Variants in NAV3 observed in about 807,000 individuals in gnomAD.
The protein encoded by NAV3 is neuron navigator 3.
In NAV3, 87 loss-of-function variants were observed where a neutral mutation model predicts 244.7. That is an observed-to-expected ratio of 0.36 (90% CI 0.30 to 0.42). The LOEUF (loss-of-function observed/expected upper bound fraction) is 0.42. Among genes scored for constraint, NAV3 ranks in the 20% least tolerant of loss-of-function variants. The pLI, the probability that NAV3 is intolerant of heterozygous loss-of-function variation, is 1.00. For synonymous variants in NAV3, 1,126 were observed against 1,042.2 expected (o/e 1.08, Z -1.55); for missense variants, 2,663 against 2,893.3 (o/e 0.92, Z 1.83).
intron 2 of NAV3, among the ~76,000 whole-genome samples, chr12:77,764,154 T>C (rs1349193442): frequency 7.2e-5 from 11 of 152,220 alleles, no homozygotes; most frequent in Admixed American, 7.2e-4. Context: ...ACAGCAACAT[T>C]TTTAGATGCA....
chr12:77,623,735 T>G (rs1328166200), intron 2 of NAV3, among the ~76,000 whole-genome samples: 1 of 152,186 alleles, frequency 6.6e-6, no homozygotes, highest in Non-Finnish European at 1.5e-5. Context: ...ATGAGAGAGA[T>G]AAGCCTTATC....
intron 2 of NAV3, among the ~76,000 whole-genome samples, chr12:77,791,574 CT>C (rs1871176810): frequency 6.6e-6 from 1 of 151,978 alleles, no homozygotes; most frequent in East Asian, 1.9e-4. Flanking sequence ...TAGGTGCTAT[CT>C]TTTTTCCTAT....
chr12:77,588,747 A>G (rs923765011), intron 2 of NAV3, among the ~76,000 whole-genome samples: 2 of 152,260 alleles, frequency 1.3e-5, no homozygotes, highest in African/African-American at 2.4e-5. Flanking sequence ...AGTAATTCAC[A>G]TGAAAAGTAC....
chr12:78,195,006 A>G lies in NAV3; in HGVS notation c.6292-2241A>G, dbSNP rs552487042. On this transcript the variant is annotated intron_variant, in intron 34 of 39. Coordinates refer to ENST00000397909, the MANE Select transcript of NAV3 (RefSeq NM_001024383.2). Reference sequence around the variant, plus strand: ...TATTTTGACTGTGAATTATTGTTATATATGTATATGCCTGACCTTCTATTC... The same window carrying G: ...TATTTTGACTGTGAATTATTGTTATGTATGTATATGCCTGACCTTCTATTC... Among the ~76,000 whole-genome samples the G allele has an allele frequency of 4.0e-4, 61 of 152,200 alleles. 2 individuals carry two copies. The South Asian group carries it at 0.012, about 29-fold the overall frequency.
At chr12:77,581,521 A>T (rs1869364371) in intron 2 of NAV3, among the ~76,000 whole-genome samples, 1 of 152,144 alleles carries the variant, frequency 6.6e-6, no homozygotes, top group Non-Finnish European at 1.5e-5. Context: ...GTATATTTGT[A>T]TAATGGTAAA....
intron 12 of NAV3, among the ~76,000 whole-genome samples, chr12:78,107,898 A>G (rs1444201596): frequency 1.3e-5 from 2 of 152,174 alleles, no homozygotes; most frequent in African/African-American, 2.4e-5. Flanking sequence ...AATAAGGGAA[A>G]AAGAAAGGAA....
chr12:77,724,731 A>G (rs1342983608), intron 2 of NAV3, among the ~76,000 whole-genome samples: 2 of 151,974 alleles, frequency 1.3e-5, no homozygotes, highest in African/African-American at 4.8e-5. Context: ...CATGGGCAAA[A>G]AAAGCAGGAA....
intron 2 of NAV3, among the ~76,000 whole-genome samples, chr12:77,704,885 G>A (rs369104066): frequency 1.3e-5 from 2 of 152,242 alleles, no homozygotes; most frequent in South Asian, 2.1e-4. Flanking sequence ...ACTTCACTGT[G>A]GGTTTCCCCT....
intron 12 of NAV3, among the ~76,000 whole-genome samples, chr12:78,081,289 CTT>C (rs1184096012): frequency 6.6e-6 from 1 of 152,150 alleles, no homozygotes; most frequent in African/African-American, 2.4e-5. Context: ...AACAGGCACT[CTT>C]ATGCCTTTTA....
At chr12:78,159,863 G>A (rs904269377) in intron 23 of NAV3, among the ~76,000 whole-genome samples, 10 of 152,176 alleles carry the variant, frequency 6.6e-5, no homozygotes, top group Non-Finnish European at 1.5e-4. Flanking sequence ...TTAAGAAAGA[G>A]AAACAGTCAC....
chr12:78,144,700 A>T (rs1565717291), intron 20 of NAV3, among the ~76,000 whole-genome samples: 1 of 151,868 alleles, frequency 6.6e-6, no homozygotes, highest in Non-Finnish European at 1.5e-5. Context: ...ATATTTCTTG[A>T]TTATTTTTTA....
chr12:78,137,316 A>G lies in NAV3; in HGVS notation c.4581A>G (p.Arg1527=). 6.2e-7 allele frequency: 1 copy of G among 1,613,294 alleles called. No individual in the cohort carries two copies. Among genetic ancestry groups the G allele is most frequent in the South Asian group, 1.1e-5 (1 of 91,036 alleles). Residue 1527 remains arginine (R), a synonymous_variant, in exon 19 of 40, where the codon AGA becomes AGG. Coordinates refer to ENST00000397909, the MANE Select transcript of NAV3 (RefSeq NM_001024383.2). ...LCGSATSLEE[R]PRAISHSGSF... is the part of the protein sequence containing the mutation. Reference sequence around the variant, plus strand: ...GGAGTGCCACTTCTCTGGAGGAAAGACCTCGTGCCATCAGTCATTCGGGCT... The same window carrying G: ...GGAGTGCCACTTCTCTGGAGGAAAGGCCTCGTGCCATCAGTCATTCGGGCT...
chr12:77,634,368 A>G (rs1008460361), intron 2 of NAV3, among the ~76,000 whole-genome samples: 13 of 152,212 alleles, frequency 8.5e-5, no homozygotes, highest in Admixed American at 8.5e-4. Flanking sequence ...CAATTATATT[A>G]GTTGATTTTA....
chr12:77,574,748 A>G (rs1183893849), intron 2 of NAV3, among the ~76,000 whole-genome samples: 1 of 152,062 alleles, frequency 6.6e-6, no homozygotes, highest in Admixed American at 6.6e-5. Flanking sequence ...ATAAATCACT[A>G]GCTTTTGTTA....
At chr12:78,179,783 C>T in intron 29 of NAV3, 101 bp downstream of exon 29, 1 of 1,307,066 alleles carries the variant, frequency 7.7e-7, no homozygotes, top group Non-Finnish European at 1.0e-6. Context: ...CTTGGAAACC[C>T]ACCTTAGAAA....
chr12:77,989,268 A>G (rs533870928), intron 5 of NAV3, among the ~76,000 whole-genome samples: 2 of 152,314 alleles, frequency 1.3e-5, no homozygotes, highest in South Asian at 4.1e-4. Context: ...AGAAGGACAT[A>G]AAAACGGGAT....
intron 5 of NAV3, among the ~76,000 whole-genome samples, chr12:77,970,487 T>C (rs1328625366): frequency 1.3e-5 from 2 of 152,154 alleles, no homozygotes; most frequent in Non-Finnish European, 2.9e-5. Context: ...TTTGGTTCCC[T>C]TTGGAAGATT....
intron 12 of NAV3, among the ~76,000 whole-genome samples, chr12:78,085,203 A>G (rs1263245072): frequency 6.6e-6 from 1 of 152,170 alleles, no homozygotes; most frequent in South Asian, 2.1e-4. Flanking sequence ...GCTTACAGTA[A>G]CAAACATTTA....
chr12:77,617,073 A>G (rs1254105086), intron 2 of NAV3, among the ~76,000 whole-genome samples: 1 of 152,036 alleles, frequency 6.6e-6, no homozygotes, highest in Non-Finnish European at 1.5e-5. Flanking sequence ...TCTTTAATAC[A>G]TTTCACAGTT....
Sources: allele counts gnomAD v4.1 joint callset (sites outside exome capture counted in the v4.1 genomes callset), GRCh38; gene constraint gnomAD v4.1.1; transcripts MANE v1.5; gene names NCBI Gene and HGNC (gene_info 2026-07-23, HGNC 2026-07-21).